The following ECI2 variants were observed in gnomAD, a reference collection of about 807,000 sequenced individuals.
ECI2 encodes the protein D3,D2-enoyl-CoA isomerase.
A neutral mutation model predicts 38.4 loss-of-function variants in ECI2; 27 were observed. The observed-to-expected ratio is 0.70, with a 90% CI of 0.52 to 0.97. ECI2 has a LOEUF of 0.97. Among genes scored for constraint, ECI2 ranks in the 50% least tolerant of loss-of-function variants. The pLI is 0.00. For missense variants in ECI2, 470 were observed against 474.4 expected, an observed-to-expected ratio of 0.99 and a Z score of 0.09; for synonymous variants, 168 against 172.0, an observed-to-expected ratio of 0.98 and a Z score of 0.18.
chr6:4,119,915 T>C (rs924433199), intron 7 of ECI2, among the ~76,000 whole-genome samples: 12 of 135,298 alleles, frequency 8.9e-5, no homozygotes, highest in Non-Finnish European at 3.1e-5. Context: ...TTTTATAGAA[T>C]GCTGTATAAG....
chr6:4,129,824 CAAG>C lies in ECI2; in HGVS notation c.501+545_501+547del, dbSNP rs1189931969. Reference sequence around the variant, plus strand: ...CCAATTAATTCCCTATAATTTTTTTCAAGAAGAAGGGGCTAAGGTAGTTATTTT... The same window carrying C: ...CCAATTAATTCCCTATAATTTTTTTCAAGAAGGGGCTAAGGTAGTTATTTT... On this transcript the variant is annotated intron_variant, in intron 4 of 9. Transcript: ENST00000380118. 3.9e-5 allele frequency among the ~76,000 whole-genome samples: 6 copies of C among 152,076 alleles called. No individual in the cohort carries two copies. The East Asian group carries it at 5.8e-4, about 15-fold the overall frequency.
chr6:4,123,824 C>T (rs1254142803), intron 7 of ECI2, among the ~76,000 whole-genome samples: 1 of 151,864 alleles, frequency 6.6e-6, no homozygotes, highest in Non-Finnish European at 1.5e-5. Context: ...AAAAAATTAG[C>T]TCGATGTGGT....
chr6:4,124,579 G>C (rs1773019863), intron 7 of ECI2, among the ~76,000 whole-genome samples: 1 of 152,150 alleles, frequency 6.6e-6, no homozygotes, highest in Non-Finnish European at 1.5e-5. Context: ...AACAAGATAA[G>C]TTAATAACCC....
At chr6:4,118,239 C>T in intron 8 of ECI2, 1 of 152,380 alleles carries the variant, frequency 6.6e-6, no homozygotes, top group Non-Finnish European at 1.5e-5. Context: ...ACTATGTTGG[C>T]CCGGCTGGTC....
chr6:4,119,165 T>A, intron 8 of ECI2, 21 bp downstream of exon 8: 1 of 1,588,206 alleles, frequency 6.3e-7, no homozygotes, highest in Non-Finnish European at 8.6e-7. Flanking sequence ...AAATTTTATA[T>A]TTAAACATTC....
intron 6 of ECI2, 199 bp from the exon 7 acceptor site, chr6:4,125,569 G>A (rs1373426544): frequency 1.4e-6 from 1 of 725,352 alleles, no homozygotes; most frequent in African/African-American, 1.8e-5. Flanking sequence ...GAATGGCAGT[G>A]GATGGAAGAC....
chr6:4,117,190 C>A, intron 9 of ECI2, 118 bp downstream of exon 9: 1 of 1,283,980 alleles, frequency 7.8e-7, no homozygotes, highest in Non-Finnish European at 1.1e-6. Flanking sequence ...TTTAGATGTG[C>A]TTAGAGGTAA....
chr6:4,133,483 A>T, intron 2 of ECI2, 66 bp downstream of exon 2: 1 of 1,526,478 alleles, frequency 6.6e-7, no homozygotes, highest in Non-Finnish European at 8.8e-7. Flanking sequence ...GTAAACACAC[A>T]GTGTATTTAT....
chr6:4,129,891 G>A (rs1373985732), intron 4 of ECI2, among the ~76,000 whole-genome samples: 3 of 151,946 alleles, frequency 2.0e-5, no homozygotes, highest in Non-Finnish European at 4.4e-5. Flanking sequence ...AAAGACTAAC[G>A]TTACCGAGTG....
At chr6:4,126,272 A>G (rs775199976) in intron 5 of ECI2, 35 bp from the exon 6 acceptor site, 2 of 1,555,848 alleles carry the variant, frequency 1.3e-6, no homozygotes, top group Non-Finnish European at 1.8e-6. Context: ...CCCTCATTCA[A>G]TCATCCTATA....
intron 3 of ECI2, 94 bp downstream of exon 3, chr6:4,130,673 A>G: frequency 6.3e-7 from 1 of 1,599,932 alleles, no homozygotes; most frequent in Non-Finnish European, 8.6e-7. Context: ...GAAGCACATC[A>G]AGATCTTGAA....
intron 4 of ECI2, among the ~76,000 whole-genome samples, chr6:4,128,116 T>C (rs767690299): frequency 2.0e-5 from 3 of 152,076 alleles, no homozygotes; most frequent in Non-Finnish European, 2.9e-5. Context: ...CCTTGAGCTT[T>C]TGGAATTAAC....
intron 5 of ECI2, among the ~76,000 whole-genome samples, chr6:4,126,559 C>A (rs954607206): frequency 6.6e-6 from 1 of 152,114 alleles, no homozygotes; most frequent in Non-Finnish European, 1.5e-5. Flanking sequence ...GAAGGAGAGG[C>A]CAGGTGGGCT....
chr6:4,130,641 AC>A, intron 3 of ECI2, 81 bp from the exon 4 acceptor site: 1 of 1,605,974 alleles, frequency 6.2e-7, no homozygotes, highest in Non-Finnish European at 8.5e-7. Flanking sequence ...AATAACTAAC[AC>A]CTTGCAATGA....
At chr6:4,118,970 G>A (rs1045504379) in intron 8 of ECI2, 2 of 418,268 alleles carry the variant, frequency 4.8e-6, no homozygotes, top group Non-Finnish European at 8.6e-6. Context: ...CCCAGTTCTG[G>A]GAACTGCAGA....
intron 2 of ECI2, 112 bp from the exon 3 acceptor site, chr6:4,130,977 C>T: frequency 1.0e-6 from 1 of 970,842 alleles, no homozygotes; most frequent in Non-Finnish European, 1.5e-6. Context: ...AATCCTTTCA[C>T]AGGGTATGTA....
chr6:4,125,510 C>T, intron 6 of ECI2, 140 bp from the exon 7 acceptor site: 2 of 1,227,680 alleles, frequency 1.6e-6, no homozygotes, highest in South Asian at 1.4e-5. Context: ...CCTCCTTGTC[C>T]TGCCACTTCC....
chr6:4,121,179 T>C (rs796301406), intron 7 of ECI2, among the ~76,000 whole-genome samples: 11 of 152,362 alleles, frequency 7.2e-5, no homozygotes, highest in African/African-American at 2.6e-4. Context: ...ACTGTGGTTT[T>C]AATTTACATG....
intron 2 of ECI2, among the ~76,000 whole-genome samples, chr6:4,131,280 A>C (rs188870566): frequency 2.0e-5 from 3 of 152,298 alleles, no homozygotes; most frequent in African/African-American, 7.2e-5. Flanking sequence ...ACAAAAAAAA[A>C]CACCACTAAT....
Sources: allele counts gnomAD v4.1 joint callset (sites outside exome capture counted in the v4.1 genomes callset), GRCh38; gene constraint gnomAD v4.1.1; transcripts MANE v1.5; gene names NCBI Gene and HGNC (gene_info 2026-07-23, HGNC 2026-07-21).